Variants in PLEKHA7 observed in about 807,000 individuals in gnomAD.
The protein encoded by PLEKHA7 is pleckstrin homology domain-containing family A member 7.
PLEKHA7 carries 104 observed loss-of-function variants against 170.0 expected under a neutral mutation model. The ratio of observed to expected loss-of-function variants is 0.61; its 90% CI spans 0.52 to 0.72. PLEKHA7 has a LOEUF of 0.72. Ranked by LOEUF, PLEKHA7 falls within the 30% of genes least tolerant of loss-of-function variation. The pLI, the probability that PLEKHA7 is intolerant of heterozygous loss-of-function variation, is 0.00. For missense variants in PLEKHA7, 1,615 were observed against 1,671.7 expected (o/e 0.97, Z 0.59); for synonymous variants, 648 against 660.8 (o/e 0.98, Z 0.30).
At chr11:16,871,850 G>C (rs1012446839) in intron 3 of PLEKHA7, among the ~76,000 whole-genome samples, 4 of 152,164 alleles carry the variant, frequency 2.6e-5, no homozygotes, top group African/African-American at 9.7e-5. Flanking sequence ...TTCTTTGAAA[G>C]GGAGGAGGAG....
At chr11:16,862,158 C>G (rs1854011727) in intron 4 of PLEKHA7, among the ~76,000 whole-genome samples, 1 of 152,160 alleles carries the variant, frequency 6.6e-6, no homozygotes, top group South Asian at 2.1e-4. Context: ...CTCCTTCCCC[C>G]TCAAGTCCTT....
At chr11:16,897,376 C>A (rs149694103) in intron 3 of PLEKHA7, among the ~76,000 whole-genome samples, 1 of 152,130 alleles carries the variant, frequency 6.6e-6, no homozygotes, top group Non-Finnish European at 1.5e-5. Context: ...CAGCCCCATT[C>A]CTCCCCATTT....
intron 3 of PLEKHA7, among the ~76,000 whole-genome samples, chr11:16,872,035 C>T (rs1174792261): frequency 6.8e-6 from 1 of 146,492 alleles, no homozygotes; most frequent in Non-Finnish European, 1.5e-5. Context: ...GTGGTGCAAT[C>T]TCGGCTCACA....
chr11:17,002,443 A>G (rs1864723038), intron 3 of PLEKHA7, among the ~76,000 whole-genome samples: 1 of 151,870 alleles, frequency 6.6e-6, no homozygotes, highest in African/African-American at 2.4e-5. Context: ...AGTGATGATG[A>G]GAGCCACAAG....
chr11:16,878,242 C>A (rs1855453911), intron 3 of PLEKHA7, among the ~76,000 whole-genome samples: 1 of 152,180 alleles, frequency 6.6e-6, no homozygotes. Flanking sequence ...CATCTCTTAA[C>A]TAGATACTGC....
intron 8 of PLEKHA7, among the ~76,000 whole-genome samples, chr11:16,850,225 G>T (rs1455978477): frequency 6.6e-6 from 1 of 152,186 alleles, no homozygotes; most frequent in African/African-American, 2.4e-5. Context: ...CTACTGTCTA[G>T]TGTTCATCTT....
At chr11:16,901,266 G>A (rs147574674) in intron 3 of PLEKHA7, among the ~76,000 whole-genome samples, 64 of 152,300 alleles carry the variant, frequency 4.2e-4, no homozygotes, top group African/African-American at 1.5e-3. Context: ...GTCTAGGAAA[G>A]CAGAGAGCTG....
chr11:16,930,297 G>A (rs977092157), intron 3 of PLEKHA7, among the ~76,000 whole-genome samples: 1 of 151,764 alleles, frequency 6.6e-6, no homozygotes. Flanking sequence ...AACAGTATAG[G>A]TAGATGGGCA....
At chr11:16,904,786 T>G (rs986144954) in intron 3 of PLEKHA7, among the ~76,000 whole-genome samples, 1 of 152,168 alleles carries the variant, frequency 6.6e-6, no homozygotes, top group African/African-American at 2.4e-5. Context: ...TTTCAAATTT[T>G]AAAACTTCAA....
intron 17 of PLEKHA7, among the ~76,000 whole-genome samples, chr11:16,799,512 G>A (rs1848448812): frequency 6.6e-6 from 1 of 151,980 alleles, no homozygotes; most frequent in Admixed American, 6.6e-5. Context: ...TACCATTTGT[G>A]TAATTACAGG....
intron 8 of PLEKHA7, among the ~76,000 whole-genome samples, chr11:16,846,981 G>A (rs768156045): frequency 9.9e-5 from 15 of 151,836 alleles, no homozygotes; most frequent in Non-Finnish European, 1.5e-4. Context: ...AACCTGTCCC[G>A]AGGGCTCAGA....
intron 3 of PLEKHA7, among the ~76,000 whole-genome samples, chr11:16,993,791 C>T (rs1488612465): frequency 6.6e-6 from 1 of 152,148 alleles, no homozygotes; most frequent in Non-Finnish European, 1.5e-5. Context: ...ATCCCAAAGC[C>T]CTCAGAGAAA....
At chr11:16,865,997 C>T (rs1189624103) in intron 4 of PLEKHA7, among the ~76,000 whole-genome samples, 1 of 151,590 alleles carries the variant, frequency 6.6e-6, no homozygotes, top group Non-Finnish European at 1.5e-5. Flanking sequence ...GCCACCACAC[C>T]AGGTTAATTT....
At position 16,958,940 on chromosome 11, in the gene PLEKHA7, C is replaced by T. The variant is rs113048485; in HGVS notation, c.221+55049G>A. Among the ~76,000 whole-genome samples, 633 of 148,446 alleles carry T rather than the reference C, an allele frequency of 4.3e-3. 4 individuals carry two copies. Among genetic ancestry groups the T allele is most frequent in the African/African-American group, 0.015 (594 of 40,756 alleles). On this transcript the variant is annotated intron_variant, in intron 3 of 26. Transcript: ENST00000531066. ...GTGTCAATGCTGGGGTGGGTACAGG[C>T]GGGTGGGGGGAAAGAGGCCTAGAGC... is the stretch of plus-strand genomic sequence containing the variant.
At chr11:16,852,391 G>A (rs1853047346) in intron 6 of PLEKHA7, 36 bp from the exon 7 acceptor site, 1 of 1,587,800 alleles carries the variant, frequency 6.3e-7, no homozygotes, top group Admixed American at 1.7e-5. Flanking sequence ...GGTAATATCT[G>A]AGCATACTGT....
intron 3 of PLEKHA7, among the ~76,000 whole-genome samples, chr11:16,895,940 C>G (rs1269247452): frequency 6.6e-6 from 1 of 152,198 alleles, no homozygotes; most frequent in Non-Finnish European, 1.5e-5. Flanking sequence ...AAGCGTCAGT[C>G]TCTTCTCCCC....
intron 3 of PLEKHA7, among the ~76,000 whole-genome samples, chr11:16,890,751 G>A (rs529762124): frequency 6.6e-5 from 10 of 152,000 alleles, no homozygotes; most frequent in South Asian, 2.1e-4. Context: ...CTAGGTTCCC[G>A]AAAACAAGGA....
chr11:16,985,612 C>T (rs535962141), intron 3 of PLEKHA7, among the ~76,000 whole-genome samples: 4 of 152,326 alleles, frequency 2.6e-5, no homozygotes, highest in Admixed American at 1.3e-4. Context: ...CTTATCCATC[C>T]GTTCATTCCG....
intron 3 of PLEKHA7, among the ~76,000 whole-genome samples, chr11:16,876,663 G>A (rs1347162804): frequency 1.3e-5 from 2 of 152,188 alleles, no homozygotes; most frequent in Non-Finnish European, 2.9e-5. Flanking sequence ...AATAAAGTGA[G>A]GACCATAGAG....
Sources: allele counts gnomAD v4.1 joint callset (sites outside exome capture counted in the v4.1 genomes callset), GRCh38; gene constraint gnomAD v4.1.1; transcripts MANE v1.5; gene names NCBI Gene and HGNC (gene_info 2026-07-23, HGNC 2026-07-21).